ISLR2: variants seen among roughly 807,000 people sequenced by gnomAD.
The protein encoded by ISLR2 is immunoglobulin superfamily containing leucine rich repeat 2, also known as immunoglobulin superfamily containing leucine-rich repeat protein 2.
A neutral mutation model predicts 25.5 loss-of-function variants in ISLR2; 16 were observed. The ratio of observed to expected loss-of-function variants is 0.63; its 90% CI spans 0.43 to 0.95. ISLR2 has a LOEUF of 0.95. ISLR2 is among the 40% of genes least tolerant of loss of function. The pLI, the probability that ISLR2 is intolerant of heterozygous loss-of-function variation, is 0.00. For missense variants in ISLR2, 883 were observed against 1,030.7 expected (o/e 0.86, Z 1.96); for synonymous variants, 508 against 486.6 (o/e 1.04, Z -0.58).
rs1403655064 is a variant in ISLR2 at position 74,133,990 on chromosome 15, A to G, written c.1236A>G (p.Lys412=). The part of the protein sequence containing the change: ...KGRGNSVLPS[K]PEGKIKGQGL... ...GGGGCAACAGCGTCCTGCCTTCCAA[A>G]CCCGAGGGCAAAATCAAAGGCCAAG... The change falls in exon 3 of 3, where the codon AAA becomes AAG. Residue 412 remains lysine (K), a synonymous_variant. Coordinates refer to ENST00000453268, the MANE Select transcript of ISLR2 (RefSeq NM_020851.3). 8.7e-6 allele frequency: 14 copies of G among 1,611,672 alleles called. No homozygotes were observed. The highest frequency in any genetic ancestry group is 1.3e-5 in the African/African-American group (1 of 74,790).
At position 74,134,560 on chromosome 15, in the gene ISLR2, G is replaced by A. The variant is rs763089389; in HGVS notation, c.1806G>A (p.Val602=). The A allele has an allele frequency of 2.5e-6, 4 of 1,614,048 alleles. No individual in the cohort carries two copies. In the African/African-American group the frequency reaches 4.0e-5, roughly 16 times the overall value. The change falls in exon 3 of 3, where the codon GTG becomes GTA. Residue 602 remains valine, a synonymous_variant. Transcript: ENST00000453268. ...VIVAVSVFLL[V]LATVPLLGAA... Reference sequence around the variant, plus strand: ...TGGCAGTGAGCGTATTCCTCCTGGTGCTGGCCACAGTGCCCCTTCTGGGCG... The same window carrying A: ...TGGCAGTGAGCGTATTCCTCCTGGTACTGGCCACAGTGCCCCTTCTGGGCG...
chr15:74,120,200 G>A (rs532476598), intron 2 of ISLR2, among the ~76,000 whole-genome samples: 1 of 152,286 alleles, frequency 6.6e-6, no homozygotes, highest in African/African-American at 2.4e-5. Context: ...GGGTGTAAAT[G>A]ACTCCCACCA....
Position 74,135,463 on chromosome 15 carries a change from C to CCTTT in ISLR2, c.*481_*484dup, listed in dbSNP as rs1294431294. On this transcript the variant is annotated 3_prime_UTR_variant, in exon 3 of 3. Transcript: ENST00000453268. The stretch of plus-strand genomic sequence containing the variant: ...GGTCCCACCTCGACCCCTCCTCCTC[C>CCTTT]CTTTCTTTCTTTCCTTTTTTTTTAT... 1.2e-5 allele frequency: 2 copies of CCTTT among 169,916 alleles called. No homozygotes were observed. The highest frequency in any genetic ancestry group is 2.4e-5 in the African/African-American group (1 of 41,680). The allele number at this position is 169,916 out of a possible 1,614,324, so 10.5% of individuals were successfully genotyped here.
At chr15:74,110,583 C>G (rs894537515) in intron 2 of ISLR2, among the ~76,000 whole-genome samples, 8 of 151,004 alleles carry the variant, frequency 5.3e-5, no homozygotes, top group Non-Finnish European at 5.9e-5. Flanking sequence ...TTTGGGAGGC[C>G]AAGGTGAGCA....
chr15:74,110,890 C>T (rs1393925004), intron 2 of ISLR2, among the ~76,000 whole-genome samples: 1 of 151,902 alleles, frequency 6.6e-6, no homozygotes, highest in East Asian at 1.9e-4. Context: ...ATCCAGGAGG[C>T]AGAGGTTGCA....
chr15:74,127,093 T>G (rs1386169149), upstream of ISLR2: 1 of 152,112 alleles, frequency 6.6e-6, no homozygotes, highest in Non-Finnish European at 1.5e-5. Context: ...GCCCCGGCTT[T>G]CTTATTCTCA....
chr15:74,139,374 A>C (rs12440766), downstream of ISLR2, among the ~76,000 whole-genome samples: 1,844 of 152,292 alleles, frequency 0.012, 29 homozygotes, highest in Admixed American at 0.04. Context: ...TTTTAAATGT[A>C]ATTAATTTAA....
intron 2 of ISLR2, among the ~76,000 whole-genome samples, chr15:74,120,226 C>G (rs1392990839): frequency 1.3e-5 from 2 of 152,174 alleles, no homozygotes; most frequent in African/African-American, 2.4e-5. Context: ...TTTATCTTAT[C>G]AAGACATAAC....
chr15:74,140,270 TAAC>T (rs1363031358), downstream of ISLR2, among the ~76,000 whole-genome samples: 1 of 152,134 alleles, frequency 6.6e-6, no homozygotes, highest in Non-Finnish European at 1.5e-5. Flanking sequence ...GACATCAAAA[TAAC>T]AACCACAACT....
chr15:74,126,399 G>A (rs1463881583), upstream of ISLR2: 1 of 136,294 alleles, frequency 7.3e-6, no homozygotes, highest in Non-Finnish European at 1.5e-5. Flanking sequence ...CTGTCGCCCA[G>A]GCCGGAATGC....
chr15:74,136,583 G>A lies in ISLR2; in HGVS notation c.*1591G>A, dbSNP rs2072570327. ...GGCGGGGGGGCGGATGGGCGGGGAG[G>A]GAGGGAAGGGGAGGGGCGCGGCGCG... On this transcript the variant is annotated 3_prime_UTR_variant, in exon 3 of 3. Transcript: ENST00000453268. 2 of 155,106 alleles carry A rather than the reference G, an allele frequency of 1.3e-5. No individual in the cohort carries two copies. Among genetic ancestry groups the A allele is most frequent in the Admixed American group, 6.6e-5 (1 of 15,258 alleles). 9.6% of individuals were successfully genotyped at this position (155,106 alleles called of 1,614,324 possible).
intron 2 of ISLR2, among the ~76,000 whole-genome samples, chr15:74,111,267 AT>A (rs1435941919): frequency 6.6e-6 from 1 of 150,814 alleles, no homozygotes; most frequent in African/African-American, 2.4e-5. Flanking sequence ...GGGTGATTCC[AT>A]TTATATAATG....
At chr15:74,140,211 G>A (rs543455243), downstream of ISLR2, among the ~76,000 whole-genome samples, 1 of 152,250 alleles carries the variant, frequency 6.6e-6, no homozygotes, top group South Asian at 2.1e-4. Context: ...AGCTGGGGTA[G>A]GGTCCTCTGG....
chr15:74,129,032 C>T, upstream of ISLR2: 1 of 456,750 alleles, frequency 2.2e-6, no homozygotes, highest in South Asian at 1.5e-5. The surrounding 1 kb of genome is among the most constrained non-coding windows in gnomAD (Gnocchi z 4.5). Context: ...TCACAGTGCT[C>T]TCACCCCTCG....
At chr15:74,108,239 G>C (rs2072137294) in intron 2 of ISLR2, among the ~76,000 whole-genome samples, 1 of 152,156 alleles carries the variant, frequency 6.6e-6, no homozygotes, top group African/African-American at 2.4e-5. Context: ...CTGAGGCCCA[G>C]CACACCTCTC....
chr15:74,122,391 G>T (rs1437322528), intron 2 of ISLR2, among the ~76,000 whole-genome samples: 1 of 152,254 alleles, frequency 6.6e-6, no homozygotes, highest in Non-Finnish European at 1.5e-5. Flanking sequence ...GTGCTTGGGA[G>T]TCCCATCCCC....
At position 74,134,973 on chromosome 15, in the gene ISLR2, A is replaced by G. The variant is rs1240855822; in HGVS notation, c.2219A>G (p.Tyr740Cys). ...VNIAQEINGN[Y>C]RQTAG is the part of the protein sequence containing the mutation. ...ATCGCCCAGGAGATTAATGGCAACTACAGGCAGACGGCAGGCTGAACCTCC... is the reference window on the plus strand; with the variant it reads ...ATCGCCCAGGAGATTAATGGCAACTGCAGGCAGACGGCAGGCTGAACCTCC... The change falls in exon 3 of 3, where the codon TAC (tyrosine) becomes TGC (cysteine). Residue 740 changes from tyrosine (Y) to cysteine (C), a missense_variant. Tyr to Cys is a radical substitution (Grantham distance 194). Coordinates refer to ENST00000453268, the MANE Select transcript of ISLR2 (RefSeq NM_020851.3). 6.2e-7 allele frequency: 1 copy of G among 1,612,594 alleles called. No homozygotes were observed. The highest frequency in any genetic ancestry group is 8.5e-7 in the Non-Finnish European group (1 of 1,179,476).
chr15:74,116,413 A>AG (rs1192831651), intron 2 of ISLR2, among the ~76,000 whole-genome samples: 1 of 151,868 alleles, frequency 6.6e-6, no homozygotes, highest in Non-Finnish European at 1.5e-5. Context: ...AAAAAAAAAA[A>AG]GGAATAAAAA....
In ISLR2 at chr15:74,136,694, C is replaced by T. The variant is rs1178337363; in HGVS notation, c.*1702C>T. The T allele has an allele frequency of 6.0e-6, 1 of 166,910 alleles. No homozygotes were observed. Among genetic ancestry groups the T allele is most frequent in the African/African-American group, 2.4e-5 (1 of 41,446 alleles). The allele number at this position is 166,910 out of a possible 1,614,324, so 10.3% of individuals were successfully genotyped here. ...GGAGTTTCAGTCCTCGGGATCAGCC[C>T]TCTCCGCGAAGCGCAGCACAAGCGC... On this transcript the variant is annotated 3_prime_UTR_variant, in exon 3 of 3. Coordinates refer to ENST00000453268, the MANE Select transcript of ISLR2 (RefSeq NM_020851.3).
Sources: allele counts gnomAD v4.1 joint callset (sites outside exome capture counted in the v4.1 genomes callset), GRCh38; gene constraint gnomAD v4.1.1; non-coding constraint Gnocchi (gnomAD v3.1); transcripts MANE v1.5; gene names NCBI Gene and HGNC (gene_info 2026-07-23, HGNC 2026-07-21).